RAB7B: variants seen among roughly 807,000 people sequenced by gnomAD.
RAB7B encodes the protein ras-related protein Rab-7b.
At chr1:205,996,750 T>G (rs1370835166) in intron 1 of RAB7B, among the ~76,000 whole-genome samples, 1 of 152,178 alleles carries the variant, frequency 6.6e-6, no homozygotes, top group African/African-American at 2.4e-5. Flanking sequence ...TCCGCATGGC[T>G]GGGGAGGCCT....
rs1332168915 is a variant in RAB7B at position 205,991,463 on chromosome 1, G to T, written c.396+1017C>A. Among the ~76,000 whole-genome samples, 3 of 152,176 alleles carry T rather than the reference G, an allele frequency of 2.0e-5. No individual in the cohort carries two copies. In the East Asian group the frequency reaches 5.8e-4, roughly 29 times the overall value. On this transcript the variant is annotated intron_variant, in intron 4 of 5. Coordinates refer to ENST00000617070, the MANE Select transcript of RAB7B (RefSeq NM_001164522.3). ...TTCTCCTTTGAAATTTCATTCTTAC[G>T]CATTCCAAAGCCTGCTGGCCATTTC...
intron 4 of RAB7B, among the ~76,000 whole-genome samples, chr1:205,991,750 G>T (rs1660725490): frequency 6.6e-6 from 1 of 152,306 alleles, no homozygotes; most frequent in South Asian, 2.1e-4. Context: ...GGTTTAAACA[G>T]CTCTTTTTGG....
intron 4 of RAB7B, among the ~76,000 whole-genome samples, chr1:205,989,216 G>A (rs907478130): frequency 1.8e-4 from 28 of 152,152 alleles, no homozygotes; most frequent in Non-Finnish European, 3.4e-4. Context: ...CTAGAGTCAC[G>A]CTTCCCCAGC....
chr1:206,002,793 T>C (rs1660911147), intron 1 of RAB7B, among the ~76,000 whole-genome samples: 1 of 152,194 alleles, frequency 6.6e-6, no homozygotes, highest in Admixed American at 6.5e-5. Context: ...ACAGGAGTGA[T>C]AATTTCCTAC....
At chr1:205,983,257 G>A in intron 5 of RAB7B, among the ~76,000 whole-genome samples, 1 of 152,280 alleles carries the variant, frequency 6.6e-6, no homozygotes, top group South Asian at 2.1e-4. Context: ...CTGGGTCTCT[G>A]GCCTTGGCCT....
rs1338914785 is a variant in RAB7B, at chr1:205,997,299, G to A, written c.-16-3148C>T. ...CCAAGGAAGAAAGGACAGTGGCTGA[G>A]TGATGACACCAGAGAGAAAGTACAC... On this transcript the variant is annotated intron_variant, in intron 1 of 5. Transcript: ENST00000617070. Among the ~76,000 whole-genome samples, 15 of 152,330 alleles carry A rather than the reference G, an allele frequency of 9.8e-5. No individual in the cohort carries two copies. In the East Asian group the frequency reaches 2.9e-3, roughly 29 times the overall value.
At chr1:205,979,730 G>A (rs983098310) in intron 5 of RAB7B, among the ~76,000 whole-genome samples, 11 of 152,122 alleles carry the variant, frequency 7.2e-5, no homozygotes, top group African/African-American at 1.9e-4. Flanking sequence ...TGTGGGCCTC[G>A]GGGTGAGTGA....
chr1:205,988,533 C>T (rs1660658260), intron 4 of RAB7B, among the ~76,000 whole-genome samples: 1 of 152,200 alleles, frequency 6.6e-6, no homozygotes, highest in African/African-American at 2.4e-5. Flanking sequence ...CTGGGCCAAA[C>T]TGCAGTACAT....
At chr1:205,989,954 G>A (rs1362936940) in intron 4 of RAB7B, among the ~76,000 whole-genome samples, 2 of 151,978 alleles carry the variant, frequency 1.3e-5, no homozygotes, top group Non-Finnish European at 2.9e-5. Context: ...CTTAAGCCTC[G>A]TATTGGTTTC....
At position 205,981,814 on chromosome 1, in the gene RAB7B, G is replaced by A. The variant is rs924528734; in HGVS notation, c.523-2886C>T. 5.0e-5 allele frequency among the ~76,000 whole-genome samples: 6 copies of A among 119,482 alleles called. 1 individual carries two copies. The highest frequency in any genetic ancestry group is 5.5e-5 in the Non-Finnish European group (3 of 55,020). 78.4% of individuals were successfully genotyped at this position (119,482 alleles called of 152,430 possible). A position where few individuals can be genotyped will look rare whatever the true frequency, so the allele number is the denominator to read the frequency against. ...AGAATGTTAACTGAACACCTACTCT[G>A]GTTTCTTTCACAATGTTAACTGAAC... On this transcript the variant is annotated intron_variant, in intron 5 of 5. Coordinates refer to ENST00000617070, the MANE Select transcript of RAB7B (RefSeq NM_001164522.3).
At chr1:205,998,557 G>A (rs1354532629) in intron 1 of RAB7B, among the ~76,000 whole-genome samples, 3 of 152,212 alleles carry the variant, frequency 2.0e-5, no homozygotes, top group Non-Finnish European at 4.4e-5. Context: ...TACAGTGGGG[G>A]TGGAGAGAAC....
intron 1 of RAB7B, among the ~76,000 whole-genome samples, chr1:205,995,265 T>TA (rs1483300136): frequency 4.0e-5 from 6 of 151,172 alleles, no homozygotes; most frequent in Non-Finnish European, 5.9e-5. Context: ...AATAATAACT[T>TA]AAAAAAAAAC....
intron 5 of RAB7B, among the ~76,000 whole-genome samples, chr1:205,980,328 C>A (rs1269161878): frequency 3.3e-5 from 5 of 152,232 alleles, no homozygotes; most frequent in African/African-American, 4.8e-5. Context: ...GACATCTGCA[C>A]CCTCCCCGGG....
At chr1:205,991,405 GA>G (rs1477514599) in intron 4 of RAB7B, among the ~76,000 whole-genome samples, 1 of 152,192 alleles carries the variant, frequency 6.6e-6, no homozygotes, top group Non-Finnish European at 1.5e-5. Flanking sequence ...CCACAGAACC[GA>G]TGACTCGTAG....
chr1:205,982,819 G>A (rs1192185537), intron 5 of RAB7B, among the ~76,000 whole-genome samples: 1 of 152,208 alleles, frequency 6.6e-6, no homozygotes, highest in Non-Finnish European at 1.5e-5. Flanking sequence ...AGGAAGGCAA[G>A]TTCCTTATAG....
chr1:205,988,403 AT>A (rs1413724186), intron 4 of RAB7B, among the ~76,000 whole-genome samples: 4 of 148,924 alleles, frequency 2.7e-5, no homozygotes, highest in African/African-American at 1.0e-4. Flanking sequence ...ATTAAAAAAA[AT>A]TTTTTTCTTT....
Position 205,985,680 on chromosome 1 carries a change from G to T in RAB7B, c.397-15C>A. Reference sequence around the variant, plus strand: ...TCCTGGGGTACCTGAATGAGGGAAAGAAATAGGCGTGGTGTCTGTATTATC... The same window carrying T: ...TCCTGGGGTACCTGAATGAGGGAAATAAATAGGCGTGGTGTCTGTATTATC... On this transcript the variant is annotated splice_polypyrimidine_tract_variant and intron_variant, in intron 4 of 5. Transcript: ENST00000617070. The T allele has an allele frequency of 2.6e-6, 1 of 389,980 alleles. No individual in the cohort carries two copies. The allele number at this position is 389,980 out of a possible 1,614,324, so 24.2% of individuals were successfully genotyped here. A position where few individuals can be genotyped will look rare whatever the true frequency, so the allele number is the denominator to read the frequency against.
chr1:205,981,408 T>G (rs1016928725), intron 5 of RAB7B, among the ~76,000 whole-genome samples: 10 of 152,234 alleles, frequency 6.6e-5, no homozygotes, highest in Non-Finnish European at 1.2e-4. Flanking sequence ...TCTTTCAGAA[T>G]GTTAACTGAA....
In RAB7B at chr1:205,976,829, C is replaced by G. The variant is rs941244234; in HGVS notation, c.*2022G>C. ...TGCAGTGCACAAGCTGCTGCATGCACACCGCACGTGACAATCCAGTCTGCC... is the reference window on the plus strand; with the variant it reads ...TGCAGTGCACAAGCTGCTGCATGCAGACCGCACGTGACAATCCAGTCTGCC... On this transcript the variant is annotated 3_prime_UTR_variant, in exon 6 of 6. Transcript: ENST00000617070. The G allele has an allele frequency of 6.6e-6, 1 of 152,266 alleles. No homozygotes were observed. Among genetic ancestry groups the G allele is most frequent in the Non-Finnish European group, 1.5e-5 (1 of 68,052 alleles). 9.4% of individuals were successfully genotyped at this position (152,266 alleles called of 1,614,324 possible). A position where few individuals can be genotyped will look rare whatever the true frequency, so the allele number is the denominator to read the frequency against.
Sources: allele counts gnomAD v4.1 joint callset (sites outside exome capture counted in the v4.1 genomes callset), GRCh38; gene constraint gnomAD v4.1.1; transcripts MANE v1.5; gene names NCBI Gene and HGNC (gene_info 2026-07-23, HGNC 2026-07-21).